The following NABP2 variants were observed in gnomAD, a reference collection of about 807,000 sequenced individuals.
NABP2 encodes the protein SOSS complex subunit B1.
A neutral mutation model predicts 22.7 loss-of-function variants in NABP2; 7 were observed. The observed-to-expected ratio is 0.31, with a 90% CI of 0.18 to 0.58. NABP2 has a LOEUF of 0.58. Among genes scored for constraint, NABP2 ranks in the 20% least tolerant of loss-of-function variants. The pLI is 0.89. For synonymous variants in NABP2, 107 were observed against 99.2 expected (o/e 1.08, Z -0.47); for missense variants, 188 against 265.9 (o/e 0.71, Z 2.04).
At position 56,225,453 on chromosome 12, in the gene NABP2, G is replaced by C. The variant is rs746037557; in HGVS notation, c.160G>C (p.Val54Leu). Residue 54 changes from valine to leucine, a missense_variant, in exon 3 of 7, where the codon GTC becomes CTC. Val to Leu is a conservative substitution (Grantham distance 32). Transcript: ENST00000267023. ...ADKTGSINISVWDDVGNLIQP... is the reference protein window; with the variant it reads ...ADKTGSINISLWDDVGNLIQP... ...CAAAACAGGCAGCATCAATATCTCT[G>C]TCTGGGACGATGTTGGCAATCTGAT... 1.2e-6 allele frequency: 2 copies of C among 1,614,234 alleles called. No homozygotes were observed. Among genetic ancestry groups the C allele is most frequent in the Non-Finnish European group, 1.7e-6 (2 of 1,180,052 alleles).
chr12:56,229,226 T>C lies in NABP2; in HGVS notation c.*13T>C. The C allele has an allele frequency of 6.2e-7, 1 of 1,611,896 alleles. No individual in the cohort carries two copies. The highest frequency in any genetic ancestry group is 8.5e-7 in the Non-Finnish European group (1 of 1,179,930). On this transcript the variant is annotated 3_prime_UTR_variant, in exon 7 of 7. Coordinates refer to ENST00000267023, the MANE Select transcript of NABP2 (RefSeq NM_024068.4). Reference sequence around the variant, plus strand: ...CAGCAAGAGATAGCATGACATTCTTTCTTCCTGCCACCAACCACATCCCAA... The same window carrying C: ...CAGCAAGAGATAGCATGACATTCTTCCTTCCTGCCACCAACCACATCCCAA...
At chr12:56,224,031 A>G (rs1869637718), upstream of NABP2, among the ~76,000 whole-genome samples, 1 of 152,220 alleles carries the variant, frequency 6.6e-6, no homozygotes, top group Non-Finnish European at 1.5e-5. Context: ...TTTGTCCGCC[A>G]GATTCCGAAG....
intron 1 of NABP2, 114 bp downstream of exon 1, chr12:56,224,555 C>A (rs1167178142): frequency 2.5e-6 from 3 of 1,215,946 alleles, no homozygotes; most frequent in Non-Finnish European, 3.1e-6. Context: ...GCACCGGGTT[C>A]CCTACCCCTG....
At position 56,229,087 on chromosome 12, in the gene NABP2, T is replaced by TTGCCCA; in HGVS notation, c.510_511insTGCCCA (p.Thr170_Pro171insCysPro). 8 of 1,512,300 alleles carry TTGCCCA rather than the reference T, an allele frequency of 5.3e-6. No homozygotes were observed. Among genetic ancestry groups the TTGCCCA allele is most frequent in the South Asian group, 1.2e-5 (1 of 84,152 alleles). The allele number at this position is 1,512,300 out of a possible 1,614,324, so 93.7% of individuals were successfully genotyped here. A position where few individuals can be genotyped will look rare whatever the true frequency, so the allele number is the denominator to read the frequency against. ...GTGGTGGCCCACATCCCCCTCATAC[T>TTGCCCA]CCCTCCCACCCACCCAGCACCCGAA... is the stretch of plus-strand genomic sequence containing the variant. On this transcript the variant is annotated inframe_insertion, in exon 7 of 7. Transcript: ENST00000267023.
At chr12:56,224,188 A>C, upstream of NABP2, 1 of 336,898 alleles carries the variant, frequency 3.0e-6, no homozygotes, top group Non-Finnish European at 4.2e-6. Flanking sequence ...AACTATCTCC[A>C]AGGTTCCTTT....
intron 6 of NABP2, among the ~76,000 whole-genome samples, chr12:56,226,722 T>G (rs1383621008): frequency 1.4e-5 from 2 of 142,922 alleles, no homozygotes; most frequent in East Asian, 3.9e-4. Flanking sequence ...CCTGCCACCA[T>G]GCCCGGCTAA....
chr12:56,226,112 T>C, intron 4 of NABP2, 67 bp from the exon 5 acceptor site: 1 of 1,491,350 alleles, frequency 6.7e-7, no homozygotes, highest in South Asian at 1.1e-5. Flanking sequence ...TATCTGGACT[T>C]TTCTGAGGCC....
At chr12:56,224,318 C>G, upstream of NABP2, 4 of 987,268 alleles carry the variant, frequency 4.1e-6, no homozygotes, top group Non-Finnish European at 4.8e-6. Context: ...GGAGGCCAGC[C>G]GGGGGAAACT....
Position 56,229,525 on chromosome 12 carries a change from G to A in NABP2, c.*312G>A, listed in dbSNP as rs1240259855. The A allele has an allele frequency of 1.2e-5, 4 of 337,588 alleles. No individual in the cohort carries two copies. The highest frequency in any genetic ancestry group is 1.0e-3 in the Middle Eastern group (1 of 994). 20.9% of individuals were successfully genotyped at this position (337,588 alleles called of 1,614,324 possible). ...CGAGGTGGGCGGATCACCTGAGGTC[G>A]GGAGTTCAAGACCAGCCTGACCAAC... On this transcript the variant is annotated 3_prime_UTR_variant, in exon 7 of 7. Coordinates refer to ENST00000267023, the MANE Select transcript of NABP2 (RefSeq NM_024068.4).
chr12:56,223,063 G>A (rs1869572890), upstream of NABP2, among the ~76,000 whole-genome samples: 2 of 152,204 alleles, frequency 1.3e-5, no homozygotes, highest in South Asian at 2.1e-4. Context: ...GTGAAACCCC[G>A]TCTCTACTAA....
chr12:56,228,421 C>T (rs570795698), intron 6 of NABP2, among the ~76,000 whole-genome samples: 2 of 150,294 alleles, frequency 1.3e-5, no homozygotes, highest in Admixed American at 6.6e-5. Context: ...GAGTCTCACA[C>T]TGTCACCCGG....
intron 6 of NABP2, 122 bp downstream of exon 6, chr12:56,226,541 C>A: frequency 1.4e-6 from 1 of 693,532 alleles, no homozygotes; most frequent in Non-Finnish European, 2.5e-6. Flanking sequence ...CTCCTTCACC[C>A]AATTCTCCCA....
chr12:56,226,449 C>T (rs761705830), intron 6 of NABP2, 30 bp downstream of exon 6: 22 of 1,580,568 alleles, frequency 1.4e-5, no homozygotes, highest in Middle Eastern at 2.2e-4. Context: ...TCCACTGGTC[C>T]TCCTAGCTCT....
At position 56,229,087 on chromosome 12, in the gene NABP2, T is replaced by TTGGCCCCCCC; in HGVS notation, c.510_511insTGGCCCCCCC (p.Pro171TrpfsTer33). On this transcript the variant is annotated frameshift_variant, in exon 7 of 7. Transcript: ENST00000267023. LOFTEE classifies it high-confidence loss of function. ...GTGGTGGCCCACATCCCCCTCATACTCCCTCCCACCCACCCAGCACCCGAA... is the reference window on the plus strand; with the variant it reads ...GTGGTGGCCCACATCCCCCTCATACTTGGCCCCCCCCCCTCCCACCCACCCAGCACCCGAA... 30 of 1,512,246 alleles carry TTGGCCCCCCC rather than the reference T, an allele frequency of 2.0e-5. No individual in the cohort carries two copies. The highest frequency in any genetic ancestry group is 2.5e-5 in the Non-Finnish European group (27 of 1,101,920). The allele number at this position is 1,512,246 out of a possible 1,614,324, so 93.7% of individuals were successfully genotyped here. A position where few individuals can be genotyped will look rare whatever the true frequency, so the allele number is the denominator to read the frequency against.
chr12:56,228,970 C>T (rs1018611003), intron 6 of NABP2, 44 bp from the exon 7 acceptor site: 2 of 1,559,410 alleles, frequency 1.3e-6, no homozygotes, highest in African/African-American at 2.7e-5. Context: ...GGACCCCTCT[C>T]CTATGTTAAC....
chr12:56,225,389 A>C lies in NABP2; in HGVS notation c.96A>C (p.Thr32=). The change falls in exon 3 of 7, where the codon ACA becomes ACC. Residue 32 remains threonine (T), a synonymous_variant. Transcript: ENST00000267023. The part of the protein sequence containing the change: ...IVLETGRVTK[T]KDGHEVRTCK... ...TCCGTTCAGGCCGAGTGACCAAGAC[A>C]AAGGACGGGCATGAGGTTCGGACCT... 6.2e-7 allele frequency: 1 copy of C among 1,614,176 alleles called. No individual in the cohort carries two copies. Among genetic ancestry groups the C allele is most frequent in the Non-Finnish European group, 8.5e-7 (1 of 1,180,034 alleles).
At chr12:56,224,741 A>ACC in intron 1 of NABP2, 93 bp from the exon 2 acceptor site, 1 of 1,170,596 alleles carries the variant, frequency 8.5e-7, no homozygotes, top group Non-Finnish European at 1.3e-6. Context: ...AGGCTGCCTG[A>ACC]CCCCAGCCTA....
rs1223459978 is a variant in NABP2 at position 56,229,664 on chromosome 12, G to A, written c.*451G>A. 6.1e-6 allele frequency: 1 copy of A among 164,240 alleles called. No individual in the cohort carries two copies. Among genetic ancestry groups the A allele is most frequent in the Non-Finnish European group, 1.3e-5 (1 of 75,680 alleles). 10.2% of individuals were successfully genotyped at this position (164,240 alleles called of 1,614,324 possible). A position where few individuals can be genotyped will look rare whatever the true frequency, so the allele number is the denominator to read the frequency against. Reference sequence around the variant, plus strand: ...CAGGAGAATCTCTTGAAACCGGGAGGCGGAGGTTGAGGTGAGCCGAAATTG... The same window carrying A: ...CAGGAGAATCTCTTGAAACCGGGAGACGGAGGTTGAGGTGAGCCGAAATTG... On this transcript the variant is annotated 3_prime_UTR_variant, in exon 7 of 7. Coordinates refer to ENST00000267023, the MANE Select transcript of NABP2 (RefSeq NM_024068.4).
intron 5 of NABP2, 41 bp from the exon 6 acceptor site, chr12:56,226,315 T>C (rs775415678): frequency 2.5e-6 from 4 of 1,613,970 alleles, no homozygotes; most frequent in East Asian, 2.2e-5. Flanking sequence ...ACAAGAAGCA[T>C]GGGAGGGAGC....
Sources: allele counts gnomAD v4.1 joint callset (sites outside exome capture counted in the v4.1 genomes callset), GRCh38; gene constraint gnomAD v4.1.1; transcripts MANE v1.5; gene names NCBI Gene and HGNC (gene_info 2026-07-23, HGNC 2026-07-21).